Variants in CSMD3 observed in about 807,000 individuals in gnomAD.
CSMD3 encodes CUB and sushi domain-containing protein 3.
A neutral mutation model predicts 435.2 loss-of-function variants in CSMD3; 177 were observed. The ratio of observed to expected loss-of-function variants is 0.41; its 90% confidence interval spans 0.36 to 0.46. CSMD3 has a LOEUF of 0.46. CSMD3 is among the 20% of genes least tolerant of loss of function. The pLI, the probability that CSMD3 is intolerant of heterozygous loss-of-function variation, is 0.34. For missense variants in CSMD3, 4,265 were observed against 4,504.6 expected (o/e 0.95, Z 1.52); for synonymous variants, 1,656 against 1,520.5 (o/e 1.09, Z -2.07).
intron 3 of CSMD3, among the ~76,000 whole-genome samples, chr8:113,247,743 C>T (rs1159435631): frequency 1.3e-5 from 2 of 152,008 alleles, no homozygotes; most frequent in African/African-American, 2.4e-5. Flanking sequence ...TCTTAAACTG[C>T]TTAGCAATAA....
intron 4 of CSMD3, among the ~76,000 whole-genome samples, chr8:113,168,788 C>T (rs931879389): frequency 1.3e-5 from 2 of 151,776 alleles, no homozygotes; most frequent in African/African-American, 2.4e-5. Flanking sequence ...TATCAATAAC[C>T]TTATCTATTA....
chr8:113,324,341 G>C (rs898098571), intron 1 of CSMD3, among the ~76,000 whole-genome samples: 1 of 152,096 alleles, frequency 6.6e-6, no homozygotes, highest in African/African-American at 2.4e-5. Flanking sequence ...GGTTTCATGG[G>C]CTAGGCCTAG....
intron 35 of CSMD3, among the ~76,000 whole-genome samples, chr8:112,400,878 T>C (rs988590286): frequency 6.6e-6 from 1 of 152,152 alleles, no homozygotes; most frequent in African/African-American, 2.4e-5. Flanking sequence ...AGGGGCCCTC[T>C]TCAGTTTCAG....
chr8:113,126,258 C>A (rs1398789534), intron 4 of CSMD3, among the ~76,000 whole-genome samples: 1 of 151,830 alleles, frequency 6.6e-6, no homozygotes, highest in South Asian at 2.1e-4. Flanking sequence ...TAATCTCACA[C>A]TACAAGGCCA....
chr8:112,968,853 A>T (rs973238714), intron 7 of CSMD3, among the ~76,000 whole-genome samples: 3 of 152,102 alleles, frequency 2.0e-5, no homozygotes, highest in Non-Finnish European at 2.9e-5. Context: ...TATTTACATG[A>T]CTACTCATAA....
chr8:112,363,787 G>A (rs1386906682), intron 38 of CSMD3, among the ~76,000 whole-genome samples: 1 of 151,956 alleles, frequency 6.6e-6, no homozygotes, highest in Non-Finnish European at 1.5e-5. Flanking sequence ...AGTGCAATGT[G>A]TTTATAAAGA....
At chr8:112,550,634 C>G (rs370830450) in intron 27 of CSMD3, 37 bp downstream of exon 27, 8 of 1,111,518 alleles carry the variant, frequency 7.2e-6, no homozygotes, top group African/African-American at 1.5e-5. Flanking sequence ...CATCACCTTC[C>G]TATTTTGCAT....
intron 38 of CSMD3, among the ~76,000 whole-genome samples, chr8:112,354,116 T>G (rs1826379927): frequency 6.6e-6 from 1 of 152,150 alleles, no homozygotes; most frequent in African/African-American, 2.4e-5. Flanking sequence ...TTTCAATAGA[T>G]GCAGAAAAAG....
intron 33 of CSMD3, 65 bp downstream of exon 33, chr8:112,408,854 T>A (rs1162750237): frequency 6.2e-7 from 1 of 1,612,244 alleles, no homozygotes; most frequent in Non-Finnish European, 8.5e-7. Flanking sequence ...CAACTTTCAC[T>A]ACAATACTAA....
intron 27 of CSMD3, among the ~76,000 whole-genome samples, chr8:112,532,118 A>C (rs1825599865): frequency 6.6e-6 from 1 of 152,028 alleles, no homozygotes; most frequent in Non-Finnish European, 1.5e-5. Flanking sequence ...TCTCAACAGC[A>C]GAATTGATTA....
chr8:112,494,560 TTTCTTTCTTTC>T (rs1443075209), intron 30 of CSMD3, among the ~76,000 whole-genome samples: 36 of 133,444 alleles, frequency 2.7e-4, no homozygotes, highest in African/African-American at 9.5e-4. Context: ...TCTTTCTTTC[TTTCTTTCTTTC>T]TTTTCTTTCT....
rs540855543 is a variant in CSMD3, at chr8:112,245,704, AT to A, written c.10223-1132del. ...AGGCACCTGCCACCACACCCAGCTAATTTTTTATATTTTTAATAGAGATGGG... is the reference window on the plus strand; with the variant it reads ...AGGCACCTGCCACCACACCCAGCTAATTTTTATATTTTTAATAGAGATGGG... On this transcript the variant is annotated intron_variant, in intron 64 of 70. Coordinates refer to ENST00000297405, the MANE Select transcript of CSMD3 (RefSeq NM_198123.2). 1.0e-3 allele frequency among the ~76,000 whole-genome samples: 155 copies of A among 152,074 alleles called. 1 individual carries two copies. Among genetic ancestry groups the A allele is most frequent in the Middle Eastern group, 6.8e-3 (2 of 294 alleles).
intron 3 of CSMD3, among the ~76,000 whole-genome samples, chr8:113,265,878 G>C (rs2093466394): frequency 1.3e-5 from 2 of 151,452 alleles, no homozygotes; most frequent in Non-Finnish European, 3.0e-5. Flanking sequence ...AAAGACAAAG[G>C]TCAAGGTCTT....
intron 12 of CSMD3, among the ~76,000 whole-genome samples, chr8:112,807,544 T>C (rs146439442): frequency 2.0e-5 from 3 of 150,404 alleles, no homozygotes; most frequent in African/African-American, 4.9e-5. Context: ...AGGTAGGAAA[T>C]ACATGTTTGG....
intron 5 of CSMD3, among the ~76,000 whole-genome samples, chr8:113,049,321 GCAAA>G (rs1183229571): frequency 6.6e-6 from 1 of 151,690 alleles, no homozygotes; most frequent in African/African-American, 2.4e-5. Flanking sequence ...CCTGAGGGCA[GCAAA>G]CAAAGTGCCC....
chr8:113,252,364 T>A (rs112383150), intron 3 of CSMD3, among the ~76,000 whole-genome samples: 3 of 152,262 alleles, frequency 2.0e-5, no homozygotes, highest in African/African-American at 7.2e-5. Flanking sequence ...TTGTCCAATT[T>A]TTTTTAAAGT....
At position 112,564,814 on chromosome 8, in the gene CSMD3, A is replaced by G. The variant is rs191962285; in HGVS notation, c.4043-7860T>C. 1.1e-4 allele frequency among the ~76,000 whole-genome samples: 16 copies of G among 152,190 alleles called. No homozygotes were observed. The South Asian group carries it at 1.2e-3, about 12-fold the overall frequency. On this transcript the variant is annotated intron_variant, in intron 24 of 70. Transcript: ENST00000297405. ...GCTTAGAAGGTCAGAAATGCTACTG[A>G]TTATTGATGAATTTTTGCTTGTGTA...
chr8:112,611,446 G>C (rs1189282787), intron 22 of CSMD3, among the ~76,000 whole-genome samples: 1 of 152,114 alleles, frequency 6.6e-6, no homozygotes, highest in East Asian at 1.9e-4. Flanking sequence ...AGCCAAAAGA[G>C]ACATAAAAGT....
At chr8:112,545,641 A>C (rs1374163655) in intron 27 of CSMD3, among the ~76,000 whole-genome samples, 1 of 151,970 alleles carries the variant, frequency 6.6e-6, no homozygotes, top group Admixed American at 6.6e-5. Flanking sequence ...AGTGTTAATC[A>C]CCTGGCATCT....
Sources: gnomAD v4.1 joint callset for allele counts (sites outside exome capture counted in the v4.1 genomes callset) on GRCh38, gnomAD v4.1.1 for gene constraint, MANE v1.5 for transcripts, NCBI Gene and HGNC (gene_info 2026-07-23, HGNC 2026-07-21) for gene names.